MRPS27: variants seen among roughly 807,000 people sequenced by gnomAD.
The protein encoded by MRPS27 is mitochondrial ribosomal protein S27, also known as small ribosomal subunit protein mS27.
MRPS27 carries 43 observed loss-of-function variants against 48.9 expected under a neutral mutation model. The ratio of observed to expected loss-of-function variants is 0.88; its 90% CI spans 0.69 to 1.13. The LOEUF is 1.13. Among genes scored for constraint, MRPS27 ranks in the 50% most tolerant of loss-of-function variants. MRPS27 has a pLI of 0.00. For synonymous variants in MRPS27, 188 were observed against 171.9 expected, an observed-to-expected ratio of 1.09 and a Z score of -0.73; for missense variants, 467 against 476.3, an observed-to-expected ratio of 0.98 and a Z score of 0.18.
intron 1 of MRPS27, among the ~76,000 whole-genome samples, chr5:72,319,499 A>ATG (rs1750677761): frequency 6.6e-6 from 1 of 151,062 alleles, no homozygotes; most frequent in African/African-American, 2.4e-5. Context: ...TGGGAGAAAA[A>ATG]TGTCCCAGCC....
intron 4 of MRPS27, among the ~76,000 whole-genome samples, chr5:72,259,709 G>A (rs971028831): frequency 1.3e-5 from 2 of 151,978 alleles, no homozygotes; most frequent in African/African-American, 4.8e-5. Flanking sequence ...TCAATAAGAT[G>A]CTTCTATTTA....
At chr5:72,235,126 C>T (rs1748166611) in intron 5 of MRPS27, among the ~76,000 whole-genome samples, 1 of 152,034 alleles carries the variant, frequency 6.6e-6, no homozygotes, top group Non-Finnish European at 1.5e-5. Context: ...CTCAGGTGTG[C>T]CGAAATGGAA....
rs780958303 is a variant in MRPS27, at chr5:72,314,088, G to A, written c.144C>T (p.Tyr48=). 3 of 1,612,224 alleles carry A rather than the reference G, an allele frequency of 1.9e-6. No individual in the cohort carries two copies. Among genetic ancestry groups the A allele is most frequent in the Non-Finnish European group, 2.5e-6 (3 of 1,178,698 alleles). ...AGTCCAATAGGTACCTACCAAGACA[G>A]TAATGTTCTTTTTCTCTTGCTTCCC... ...HKWEAREKEH[Y]CLADLASLMD... Residue 48 remains tyrosine (Y), a synonymous_variant, in exon 2 of 11, where the codon TAC becomes TAT. Transcript: ENST00000261413.
intron 4 of MRPS27, among the ~76,000 whole-genome samples, chr5:72,275,964 C>T (rs986379736): frequency 1.3e-5 from 2 of 150,546 alleles, no homozygotes; most frequent in Admixed American, 6.6e-5. Context: ...GGTACTGTGG[C>T]GTGCCTGGGC....
At chr5:72,243,678 C>T (rs1484702751) in intron 4 of MRPS27, among the ~76,000 whole-genome samples, 3 of 152,188 alleles carry the variant, frequency 2.0e-5, no homozygotes, top group Non-Finnish European at 2.9e-5. Context: ...ACCTCTCCCA[C>T]CCTGCCAACA....
intron 4 of MRPS27, among the ~76,000 whole-genome samples, chr5:72,256,982 A>T (rs2111992428): frequency 6.6e-6 from 1 of 152,302 alleles, no homozygotes. Context: ...CCCTAAGATG[A>T]TTTCTTGAAA....
At chr5:72,315,350 A>G in intron 1 of MRPS27, among the ~76,000 whole-genome samples, 1 of 152,158 alleles carries the variant, frequency 6.6e-6, no homozygotes, top group Admixed American at 6.6e-5. Flanking sequence ...TAAGCTCAGG[A>G]GTTCAAGACC....
chr5:72,266,465 T>C (rs1244445767), intron 4 of MRPS27, among the ~76,000 whole-genome samples: 1 of 152,236 alleles, frequency 6.6e-6, no homozygotes, highest in East Asian at 1.9e-4. Context: ...CCATGTGCTT[T>C]TTCATGCTCT....
At chr5:72,251,817 A>G (rs1214434070) in intron 4 of MRPS27, among the ~76,000 whole-genome samples, 3 of 152,200 alleles carry the variant, frequency 2.0e-5, no homozygotes, top group African/African-American at 7.2e-5. Flanking sequence ...AAAGGAAAAC[A>G]CCAACTAAAG....
intron 7 of MRPS27, 77 bp downstream of exon 7, chr5:72,232,365 CT>C: frequency 5.3e-5 from 56 of 1,065,208 alleles, no homozygotes; most frequent in Admixed American, 1.2e-4. Flanking sequence ...CTGCAGACAC[CT>C]TTTTCCAGCT....
At chr5:72,260,946 C>T (rs767908170) in intron 4 of MRPS27, among the ~76,000 whole-genome samples, 3 of 152,176 alleles carry the variant, frequency 2.0e-5, no homozygotes, top group Non-Finnish European at 4.4e-5. Context: ...TCACTGCAAC[C>T]TCCGCCTCCT....
chr5:72,292,920 C>T (rs1444746782), intron 4 of MRPS27, among the ~76,000 whole-genome samples: 1 of 152,048 alleles, frequency 6.6e-6, no homozygotes, highest in African/African-American at 2.4e-5. Flanking sequence ...TTTTTCATTT[C>T]CTCACCTTAG....
intron 4 of MRPS27, among the ~76,000 whole-genome samples, chr5:72,270,200 A>G (rs1457727860): frequency 2.1e-5 from 1 of 47,922 alleles, no homozygotes. Context: ...TCTCAATAAT[A>G]ATAATAATAA....
intron 2 of MRPS27, 112 bp downstream of exon 2, chr5:72,313,969 T>C (rs2112091234): frequency 1.3e-6 from 1 of 778,290 alleles, no homozygotes. Context: ...CATGCTTATC[T>C]GAATTGAAAC....
chr5:72,238,123 C>A lies in MRPS27; in HGVS notation c.287G>T (p.Arg96Leu). Residue 96 changes from arginine to leucine, a missense_variant, in exon 5 of 11, where the codon CGA becomes CTA. Physicochemically the swap from Arg to Leu is moderately radical, Grantham distance 102. Coordinates refer to ENST00000261413, the MANE Select transcript of MRPS27 (RefSeq NM_015084.3). The stretch of plus-strand genomic sequence containing the variant: ...CAGGTACCAGCAGTTGGGGCTGTGT[C>A]GAAACCTAAATAAGCACAAGAAGAG... ...DHAEYYLYKF[R>L]HSPNCWYLRN... 6.2e-7 allele frequency: 1 copy of A among 1,611,668 alleles called. No individual in the cohort carries two copies.
chr5:72,254,796 A>G (rs929409257), intron 4 of MRPS27, among the ~76,000 whole-genome samples: 1 of 152,144 alleles, frequency 6.6e-6, no homozygotes, highest in African/African-American at 2.4e-5. Flanking sequence ...ATTAAAAAAA[A>G]CTAAAAAGTT....
chr5:72,222,715 A>G (rs1017864626), intron 10 of MRPS27, among the ~76,000 whole-genome samples: 1 of 152,174 alleles, frequency 6.6e-6, no homozygotes, highest in Non-Finnish European at 1.5e-5. Flanking sequence ...TTCTCATCCC[A>G]GCTATACTGC....
At chr5:72,228,826 T>C (rs1747969920) in intron 7 of MRPS27, 2 of 153,070 alleles carry the variant, frequency 1.3e-5, no homozygotes. Flanking sequence ...AATTTAGCAA[T>C]GATAAGACTC....
At chr5:72,312,482 C>T (rs748394412) in intron 2 of MRPS27, among the ~76,000 whole-genome samples, 15 of 152,182 alleles carry the variant, frequency 9.9e-5, no homozygotes, top group Non-Finnish European at 1.5e-4. Flanking sequence ...AATTATTCCA[C>T]ATTTATATGC....
Sources: allele counts gnomAD v4.1 joint callset (sites outside exome capture counted in the v4.1 genomes callset), GRCh38; gene constraint gnomAD v4.1.1; transcripts MANE v1.5; gene names NCBI Gene and HGNC (gene_info 2026-07-23, HGNC 2026-07-21).